Variants in PALS2 observed in about 807,000 individuals in gnomAD.
PALS2 encodes protein PALS2.
A neutral mutation model predicts 61.6 loss-of-function variants in PALS2; 27 were observed. The ratio of observed to expected loss-of-function variants is 0.44; its 90% CI spans 0.32 to 0.60. PALS2 has a LOEUF of 0.60. Ranked by LOEUF, PALS2 falls within the 20% of genes least tolerant of loss-of-function variation. PALS2 has a pLI of 0.05. For missense variants in PALS2, 554 were observed against 639.4 expected (o/e 0.87, Z 1.44); for synonymous variants, 236 against 218.6 (o/e 1.08, Z -0.70).
intron 9 of PALS2, among the ~76,000 whole-genome samples, chr7:24,669,131 G>A (rs1787175702): frequency 1.3e-5 from 2 of 152,138 alleles, no homozygotes; most frequent in South Asian, 4.1e-4. Flanking sequence ...ATTTTTGATA[G>A]CACATAAGAG....
At chr7:24,683,540 C>T (rs907423668) in intron 11 of PALS2, among the ~76,000 whole-genome samples, 4 of 150,544 alleles carry the variant, frequency 2.7e-5, no homozygotes, top group Admixed American at 6.6e-5. Flanking sequence ...TTTTTCATGA[C>T]GCTGATAGTC....
In PALS2 at chr7:24,692,156, C is replaced by G. The variant is rs145756420; in HGVS notation, c.*4542C>G. Reference sequence around the variant, plus strand: ...TTTTTGAAAAATGCAGAGATTCGAACATGAGTCCTTAATATACTAAACAGT... The same window carrying G: ...TTTTTGAAAAATGCAGAGATTCGAAGATGAGTCCTTAATATACTAAACAGT... On this transcript the variant is annotated 3_prime_UTR_variant, in exon 12 of 12. Coordinates refer to ENST00000222644, the MANE Select transcript of PALS2 (RefSeq NM_001303037.2). The G allele has an allele frequency of 1.3e-5, 2 of 152,276 alleles. No homozygotes were observed. Among genetic ancestry groups the G allele is most frequent in the African/African-American group, 4.8e-5 (2 of 41,578 alleles). 9.4% of individuals were successfully genotyped at this position (152,276 alleles called of 1,614,324 possible).
intron 11 of PALS2, among the ~76,000 whole-genome samples, chr7:24,683,103 C>T (rs1788017816): frequency 6.6e-6 from 1 of 152,102 alleles, no homozygotes; most frequent in African/African-American, 2.4e-5. Flanking sequence ...AACTCTTTAC[C>T]TACTGGTTTT....
At chr7:24,621,598 G>A (rs1414797118) in intron 1 of PALS2, among the ~76,000 whole-genome samples, 1 of 151,942 alleles carries the variant, frequency 6.6e-6, no homozygotes, top group Admixed American at 6.6e-5. Flanking sequence ...AGAAAGAAGA[G>A]AAACTACGAA....
Position 24,596,890 on chromosome 7 carries a change from C to G in PALS2, c.-3+23297C>G, listed in dbSNP as rs189709413. On this transcript the variant is annotated intron_variant, in intron 1 of 11. Coordinates refer to ENST00000222644, the MANE Select transcript of PALS2 (RefSeq NM_001303037.2). This position sits in a 1 kb window ranked among gnomAD's most constrained non-coding sequence, Gnocchi z 4.5. ...AGAATATTAGAAACTCTAAACCAGA[C>G]AGTGAAATTTTTAGAGTGGAATTGT... 6.6e-6 allele frequency among the ~76,000 whole-genome samples: 1 copy of G among 152,070 alleles called. No individual in the cohort carries two copies. Among genetic ancestry groups the G allele is most frequent in the African/African-American group, 2.4e-5 (1 of 41,500 alleles).
At chr7:24,616,064 A>G (rs1321708393) in intron 1 of PALS2, among the ~76,000 whole-genome samples, 2 of 152,286 alleles carry the variant, frequency 1.3e-5, no homozygotes, top group East Asian at 1.9e-4. Context: ...AATAATGGCC[A>G]TATATGGCAA....
At chr7:24,608,345 A>G (rs1783998188) in intron 1 of PALS2, among the ~76,000 whole-genome samples, 1 of 152,188 alleles carries the variant, frequency 6.6e-6, no homozygotes, top group Non-Finnish European at 1.5e-5. Context: ...TGCACATGGT[A>G]GACCCCTTCA....
chr7:24,650,785 A>T (rs1208572199), intron 5 of PALS2, 73 bp downstream of exon 5: 16 of 1,038,358 alleles, frequency 1.5e-5, no homozygotes, highest in Non-Finnish European at 2.2e-5. Context: ...AATAACTATC[A>T]GTTGCTACTA....
Position 24,689,612 on chromosome 7 carries a change from G to C in PALS2, c.*1998G>C, listed in dbSNP as rs529052872. The C allele has an allele frequency of 2.2e-5, 3 of 133,526 alleles. No homozygotes were observed. The East Asian group carries it at 6.3e-4, about 28-fold the overall frequency. 8.3% of individuals were successfully genotyped at this position (133,526 alleles called of 1,614,324 possible). ...TTTTTTTTTTCTTTTTTTGATTCTAGATTTCATGGCCAGAACACAAATTCA... is the reference window on the plus strand; with the variant it reads ...TTTTTTTTTTCTTTTTTTGATTCTACATTTCATGGCCAGAACACAAATTCA... On this transcript the variant is annotated 3_prime_UTR_variant, in exon 12 of 12. Coordinates refer to ENST00000222644, the MANE Select transcript of PALS2 (RefSeq NM_001303037.2).
intron 2 of PALS2, among the ~76,000 whole-genome samples, chr7:24,639,814 ATTTTTT>A (rs61073575): frequency 0.018 from 1,762 of 96,298 alleles, 19 homozygotes; most frequent in African/African-American, 0.075. Flanking sequence ...TTCTAGTCTA[ATTTTTT>A]TTTTTTTTTT....
rs1782549490 is a variant in PALS2, at chr7:24,573,913, G to C, written c.-3+320G>C. 1 of 152,418 alleles carries C rather than the reference G, an allele frequency of 6.6e-6. No individual in the cohort carries two copies. Among genetic ancestry groups the C allele is most frequent in the Admixed American group, 6.5e-5 (1 of 15,276 alleles). The allele number at this position is 152,418 out of a possible 1,614,324, so 9.4% of individuals were successfully genotyped here. ...TGTCTGGCCCATGCTGCTTGCCGCC[G>C]CTCCCCACGCGCTCCCCGGCGCGGC... On this transcript the variant is annotated intron_variant, in intron 1 of 11. Transcript: ENST00000222644. This position sits in a 1 kb window ranked among gnomAD's most constrained non-coding sequence, Gnocchi z 5.3.
At chr7:24,600,855 T>A (rs1783694941) in intron 1 of PALS2, among the ~76,000 whole-genome samples, 1 of 152,184 alleles carries the variant, frequency 6.6e-6, no homozygotes, top group Non-Finnish European at 1.5e-5. Flanking sequence ...TGTTTTTAAC[T>A]CTAGAAAAGT....
Position 24,688,533 on chromosome 7 carries a change from C to A in PALS2, c.*919C>A, listed in dbSNP as rs984550951. The A allele has an allele frequency of 1.3e-5, 2 of 152,068 alleles. No homozygotes were observed. The highest frequency in any genetic ancestry group is 2.9e-5 in the Non-Finnish European group (2 of 67,990). 9.4% of individuals were successfully genotyped at this position (152,068 alleles called of 1,614,324 possible). On this transcript the variant is annotated 3_prime_UTR_variant, in exon 12 of 12. Coordinates refer to ENST00000222644, the MANE Select transcript of PALS2 (RefSeq NM_001303037.2). ...GAACATGGTCAGCAAATGTATCATG[C>A]CTCTGCAAATTTTAGTGATGTTTAG...
chr7:24,579,000 A>G (rs904416848), intron 1 of PALS2, among the ~76,000 whole-genome samples: 7 of 152,364 alleles, frequency 4.6e-5, no homozygotes, highest in African/African-American at 1.7e-4. Flanking sequence ...AAATAGCATG[A>G]TAATGGAGGA....
At chr7:24,638,950 A>G (rs1420064688) in intron 2 of PALS2, among the ~76,000 whole-genome samples, 1 of 152,254 alleles carries the variant, frequency 6.6e-6, no homozygotes, top group African/African-American at 2.4e-5. Flanking sequence ...TGCTGATCAT[A>G]TAACATTTTC....
At chr7:24,616,805 C>T (rs115390845) in intron 1 of PALS2, among the ~76,000 whole-genome samples, 2,469 of 152,168 alleles carry the variant, frequency 0.016, 81 homozygotes, top group African/African-American at 0.057. Flanking sequence ...TTGATTTCTT[C>T]GTCTATGACT....
At chr7:24,662,860 T>A (rs914216670) in intron 5 of PALS2, among the ~76,000 whole-genome samples, 13 of 151,012 alleles carry the variant, frequency 8.6e-5, no homozygotes, top group African/African-American at 2.4e-4. Context: ...CATAATTTAA[T>A]TAGAATTTAA....
rs537679792 is a variant in PALS2 at position 24,677,272 on chromosome 7, C to T, written c.1115-1859C>T. Among the ~76,000 whole-genome samples the T allele has an allele frequency of 2.6e-3, 400 of 152,144 alleles. 1 individual carries two copies. The highest frequency in any genetic ancestry group is 4.1e-3 in the Admixed American group (62 of 15,284). On this transcript the variant is annotated intron_variant, in intron 9 of 11. Coordinates refer to ENST00000222644, the MANE Select transcript of PALS2 (RefSeq NM_001303037.2). The stretch of plus-strand genomic sequence containing the variant: ...CTTATCAGCTTAAGGAGATTTTGGG[C>T]TGAGACAATGGGGTTTTCTAGATAT...
At chr7:24,612,260 C>T (rs1310913968) in intron 1 of PALS2, among the ~76,000 whole-genome samples, 1 of 151,812 alleles carries the variant, frequency 6.6e-6, no homozygotes, top group Non-Finnish European at 1.5e-5. Context: ...GAAATGTCAC[C>T]TTTATTGTAT....
Sources: gnomAD v4.1 joint callset for allele counts (sites outside exome capture counted in the v4.1 genomes callset) on GRCh38, gnomAD v4.1.1 for gene constraint, Gnocchi (gnomAD v3.1) non-coding constraint, MANE v1.5 for transcripts, NCBI Gene and HGNC (gene_info 2026-07-23, HGNC 2026-07-21) for gene names.